Variants in CTNNA2 observed in about 807,000 individuals in gnomAD.
CTNNA2 encodes catenin alpha-2.
In CTNNA2, 42 loss-of-function variants were observed where a neutral mutation model predicts 101.0. The observed-to-expected ratio is 0.42, with a 90% CI of 0.32 to 0.54. CTNNA2 has a LOEUF of 0.54. Ranked by LOEUF, CTNNA2 falls within the 20% of genes least tolerant of loss-of-function variation. The probability of loss-of-function intolerance (pLI) is 0.14; values close to 1 mark genes in which losing one functional copy is unlikely to be tolerated. For missense variants in CTNNA2, 871 were observed against 1,223.1 expected (o/e 0.71, Z 4.29); for synonymous variants, 450 against 456.4 (o/e 0.99, Z 0.18).
intron 2 of CTNNA2, among the ~76,000 whole-genome samples, chr2:79,695,780 C>A (rs1009960046): frequency 6.6e-6 from 1 of 151,912 alleles, no homozygotes; most frequent in Non-Finnish European, 1.5e-5. Context: ...GTGTGTATAA[C>A]GAGGGATGTC....
chr2:79,242,270 C>A (rs1674637207), intron 2 of CTNNA2, among the ~76,000 whole-genome samples: 1 of 152,118 alleles, frequency 6.6e-6, no homozygotes, highest in Admixed American at 6.6e-5. Flanking sequence ...ATAAAAACAT[C>A]TGATTGGTAC....
At chr2:79,885,767 T>C (rs376845954) in intron 6 of CTNNA2, among the ~76,000 whole-genome samples, 1 of 152,198 alleles carries the variant, frequency 6.6e-6, no homozygotes, top group Non-Finnish European at 1.5e-5. Flanking sequence ...CCATAATAAT[T>C]ATCTCTGCTA....
At chr2:79,512,883 C>CG (rs1050925822), upstream of CTNNA2, 2 of 150,810 alleles carry the variant, frequency 1.3e-5, no homozygotes, top group Non-Finnish European at 3.0e-5. Flanking sequence ...ACGGGGACCG[C>CG]GGGGGCGCGC....
intron 3 of CTNNA2, among the ~76,000 whole-genome samples, chr2:79,835,684 T>TG (rs1679298427): frequency 2.3e-5 from 3 of 132,872 alleles, no homozygotes; most frequent in African/African-American, 8.6e-5. Context: ...TTTTTTTTTT[T>TG]TTTTTTTTTT....
At chr2:79,705,786 T>A (rs994297206) in intron 2 of CTNNA2, among the ~76,000 whole-genome samples, 4 of 152,218 alleles carry the variant, frequency 2.6e-5, no homozygotes, top group Non-Finnish European at 5.9e-5. Context: ...TTCATTGCAA[T>A]AAATATTTCT....
chr2:80,025,751 G>T (rs113381282), intron 7 of CTNNA2, among the ~76,000 whole-genome samples: 1 of 152,150 alleles, frequency 6.6e-6, no homozygotes, highest in African/African-American at 2.4e-5. Context: ...GCTCTCAGTT[G>T]TTGCAACATG....
At chr2:79,720,504 T>G (rs1686411712) in intron 2 of CTNNA2, among the ~76,000 whole-genome samples, 1 of 152,186 alleles carries the variant, frequency 6.6e-6, no homozygotes, top group South Asian at 2.1e-4. Context: ...TTAACAAAAT[T>G]AATTCTTCCA....
intron 2 of CTNNA2, among the ~76,000 whole-genome samples, chr2:79,730,419 T>C (rs1687124020): frequency 6.6e-6 from 1 of 152,054 alleles, no homozygotes; most frequent in Non-Finnish European, 1.5e-5. Flanking sequence ...TTCTAATTTT[T>C]GGAAAAAACT....
intron 9 of CTNNA2, among the ~76,000 whole-genome samples, chr2:80,469,539 A>G (rs1434250972): frequency 6.6e-6 from 1 of 152,232 alleles, no homozygotes; most frequent in Admixed American, 6.5e-5. Context: ...ACTAGTAGCT[A>G]GTAGACATTA....
intron 7 of CTNNA2, among the ~76,000 whole-genome samples, chr2:80,256,479 C>T (rs1035698488): frequency 3.0e-4 from 45 of 152,120 alleles, no homozygotes; most frequent in African/African-American, 9.9e-4. Flanking sequence ...CCAGAAACAT[C>T]CAGGATCCTT....
chr2:79,837,162 G>A (rs576698329), intron 3 of CTNNA2, among the ~76,000 whole-genome samples: 2 of 152,292 alleles, frequency 1.3e-5, no homozygotes, highest in South Asian at 4.1e-4. Context: ...TAACTCATGT[G>A]ATCACAAGGT....
At chr2:79,572,363 G>A (rs1306693704) in intron 1 of CTNNA2, among the ~76,000 whole-genome samples, 1 of 152,180 alleles carries the variant, frequency 6.6e-6, no homozygotes, top group African/African-American at 2.4e-5. Flanking sequence ...AACTATAGAT[G>A]TGGAGGAGAA....
At chr2:79,553,552 G>A (rs1205643170) in intron 1 of CTNNA2, among the ~76,000 whole-genome samples, 1 of 152,150 alleles carries the variant, frequency 6.6e-6, no homozygotes, top group Admixed American at 6.5e-5. Flanking sequence ...TTAACATGAA[G>A]CATGGCTGGA....
intron 3 of CTNNA2, among the ~76,000 whole-genome samples, chr2:79,318,183 T>G (rs1676540146): frequency 6.6e-6 from 1 of 152,136 alleles, no homozygotes; most frequent in African/African-American, 2.4e-5. Flanking sequence ...TATGCACACA[T>G]ACATAATGCA....
chr2:80,562,377 A>T (rs1055786559), intron 12 of CTNNA2, among the ~76,000 whole-genome samples: 1 of 152,172 alleles, frequency 6.6e-6, no homozygotes, highest in South Asian at 2.1e-4. Flanking sequence ...AAGTTGCTTG[A>T]ACTCTCTCAT....
At chr2:79,715,962 T>A (rs1021695708) in intron 2 of CTNNA2, among the ~76,000 whole-genome samples, 3 of 152,074 alleles carry the variant, frequency 2.0e-5, no homozygotes, top group Non-Finnish European at 2.9e-5. Flanking sequence ...ATTTCAAAAT[T>A]TGGACCAAAA....
chr2:80,081,746 T>C (rs1253852901), intron 7 of CTNNA2, among the ~76,000 whole-genome samples: 1 of 149,954 alleles, frequency 6.7e-6, no homozygotes, highest in African/African-American at 2.5e-5. Flanking sequence ...TCTCTCTCTC[T>C]CTCTTGCTCT....
intron 4 of CTNNA2, among the ~76,000 whole-genome samples, chr2:79,412,245 C>G (rs1224854766): frequency 6.6e-6 from 1 of 152,068 alleles, no homozygotes; most frequent in Non-Finnish European, 1.5e-5. Flanking sequence ...ATTCATAAAG[C>G]AAGTCCTTAG....
At chr2:80,399,158 G>T (rs957327099) in intron 8 of CTNNA2, among the ~76,000 whole-genome samples, 2 of 151,344 alleles carry the variant, frequency 1.3e-5, no homozygotes, top group African/African-American at 4.9e-5. Context: ...TACCGTGAAA[G>T]GTCATCCTTT....
Sources: allele counts gnomAD v4.1 joint callset (sites outside exome capture counted in the v4.1 genomes callset), GRCh38; gene constraint gnomAD v4.1.1; transcripts MANE v1.5; gene names NCBI Gene and HGNC (gene_info 2026-07-23, HGNC 2026-07-21).